Variants in TENM2 observed in about 807,000 individuals in gnomAD.
TENM2 encodes the protein teneurin transmembrane protein 2.
In TENM2, 52 loss-of-function variants were observed where a neutral mutation model predicts 245.2. The observed-to-expected ratio is 0.21, with a 90% CI of 0.17 to 0.27. TENM2 has a LOEUF of 0.27. Among genes scored for constraint, TENM2 ranks in the 10% least tolerant of loss-of-function variants. The pLI, the probability that TENM2 is intolerant of heterozygous loss-of-function variation, is 1.00. For missense variants in TENM2, 3,046 were observed against 3,666.8 expected (o/e 0.83, Z 4.37); for synonymous variants, 1,363 against 1,438.9 (o/e 0.95, Z 1.19).
In TENM2 at chr5:168,244,727, A is replaced by G; in HGVS notation, c.5817+11A>G. ...TCCTACCTTGACAAGGTAGGTGAAC[A>G]TGCTGCCCTGACAGCAAGGGCTTTC... On this transcript the variant is annotated intron_variant, in intron 26 of 28. Transcript: ENST00000518659. The surrounding 1 kb of genome is among the most constrained non-coding windows in gnomAD (Gnocchi z 4.9). 1 of 1,414,498 alleles carries G rather than the reference A, an allele frequency of 7.1e-7. No individual in the cohort carries two copies. Among genetic ancestry groups the G allele is most frequent in the Non-Finnish European group, 9.3e-7 (1 of 1,074,072 alleles). 87.6% of individuals were successfully genotyped at this position (1,414,498 alleles called of 1,614,324 possible).
At chr5:167,241,492 G>A in the TENM2 span, among the ~76,000 whole-genome samples, 2 of 152,154 alleles carry the variant, frequency 1.3e-5, no homozygotes, top group East Asian at 3.9e-4. Context: ...GAGGCAGAGA[G>A]GCAGACAGGC....
At chr5:167,434,412 C>CAAAAAAAAAAAAAAAAAAAAAAAAAAAAA (rs61683445) in intron 2 of TENM2, among the ~76,000 whole-genome samples, 1 of 74,480 alleles carries the variant, frequency 1.3e-5, no homozygotes, top group Non-Finnish European at 2.5e-5. Context: ...GACTCTATCT[C>CAAAAAAAAAAAAAAAAAAAAAAAAAAAAA]AAAAAAAAAA....
intron 2 of TENM2, among the ~76,000 whole-genome samples, chr5:167,394,484 G>C (rs1348249153): frequency 6.6e-6 from 1 of 152,004 alleles, no homozygotes; most frequent in African/African-American, 2.4e-5. Context: ...CTATGTGTCT[G>C]TTTTTATGCC....
At chr5:168,105,944 T>C (rs141258154) in intron 9 of TENM2, among the ~76,000 whole-genome samples, 1 of 152,348 alleles carries the variant, frequency 6.6e-6, no homozygotes, top group East Asian at 1.9e-4. Context: ...AGGTGCTTCC[T>C]CGGATTGTTT....
At chr5:167,795,685 T>C (rs2150919996) in intron 2 of TENM2, among the ~76,000 whole-genome samples, 1 of 150,784 alleles carries the variant, frequency 6.6e-6, no homozygotes, top group South Asian at 2.1e-4. Context: ...AGAAAGAATT[T>C]CCAAAAAAAA....
chr5:167,034,629 CAAAAAA>C, the TENM2 span, among the ~76,000 whole-genome samples: 827 of 72,236 alleles, frequency 0.011, 4 homozygotes, highest in African/African-American at 0.048. Flanking sequence ...GACTCCGTCT[CAAAAAA>C]AAAAAAAAAA....
rs1234276883 is a variant in TENM2 at position 168,226,084 on chromosome 5, C to T, written c.5109-4C>T. ...GGTTTATCTATCTATCTATCTCCCCCCAGCTATGACCACGAAGGCCGCCTG... is the reference window on the plus strand; with the variant it reads ...GGTTTATCTATCTATCTATCTCCCCTCAGCTATGACCACGAAGGCCGCCTG... On this transcript the variant is annotated splice_polypyrimidine_tract_variant and splice_region_variant and intron_variant, in intron 23 of 28. Coordinates refer to ENST00000518659, the Ensembl canonical transcript of TENM2. 1 of 1,612,246 alleles carries T rather than the reference C, an allele frequency of 6.2e-7. No individual in the cohort carries two copies.
At chr5:167,124,045 A>C in the TENM2 span, among the ~76,000 whole-genome samples, 1 of 152,358 alleles carries the variant, frequency 6.6e-6, no homozygotes, top group South Asian at 2.1e-4. Flanking sequence ...ACTGACCAGT[A>C]GTGTCTATAT....
At chr5:167,166,718 G>A in the TENM2 span, among the ~76,000 whole-genome samples, 1 of 151,814 alleles carries the variant, frequency 6.6e-6, no homozygotes, top group Non-Finnish European at 1.5e-5. Context: ...TTAATATCTG[G>A]CATCCATTAT....
chr5:167,396,988 A>T (rs540028537), intron 2 of TENM2, among the ~76,000 whole-genome samples: 1 of 152,258 alleles, frequency 6.6e-6, no homozygotes, highest in Admixed American at 6.5e-5. Flanking sequence ...AATATCCCCA[A>T]TCTATTTCTC....
At position 167,375,359 on chromosome 5, in the gene TENM2, A is replaced by G. The variant is rs1437783011; in HGVS notation, c.388A>G (p.Arg130Gly). Residue 130 changes from arginine (R) to glycine (G), a missense_variant, in exon 2 of 29, where the codon AGA becomes GGA. Physicochemically the swap from Arg to Gly is moderately radical, Grantham distance 125 (BLOSUM62 -2). Around this residue, in one of 2 missense-constraint regions of TENM2, gnomAD observed 342 missense variants for 335.0 expected, o/e 1.02. Transcript: ENST00000518659. ...AGGGATGTCTCCAGAACACGCCATC[A>G]GACTGTGGGGCAGAGGGATAAAATC... 2.4e-5 allele frequency: 38 copies of G among 1,551,584 alleles called. No homozygotes were observed. Among genetic ancestry groups the G allele is most frequent in the Non-Finnish European group, 3.1e-5 (35 of 1,147,004 alleles).
chr5:167,466,189 C>T (rs1319552835), intron 2 of TENM2, among the ~76,000 whole-genome samples: 1 of 152,124 alleles, frequency 6.6e-6, no homozygotes, highest in Admixed American at 6.5e-5. Context: ...TCTGAAAGGT[C>T]CTAAGGATAG....
rs569189593 is a variant in TENM2 at position 167,905,584 on chromosome 5, G to T, written c.712+29389G>T. ...GACCTTTTTAAATTTAGCACTCAAG[G>T]CACTAATATAAGAATATACCAGTGT... On this transcript the variant is annotated intron_variant, in intron 3 of 28. Coordinates refer to ENST00000518659, the Ensembl canonical transcript of TENM2. Among the ~76,000 whole-genome samples the T allele has an allele frequency of 3.3e-5, 5 of 152,288 alleles. No homozygotes were observed. In the South Asian group the frequency reaches 1.0e-3, roughly 32 times the overall value.
intron 2 of TENM2, among the ~76,000 whole-genome samples, chr5:167,668,525 C>A (rs180787119): frequency 3.3e-5 from 5 of 152,272 alleles, no homozygotes; most frequent in Admixed American, 2.0e-4. Flanking sequence ...GAAGCAGATT[C>A]CAGGGACATT....
At position 167,445,369 on chromosome 5, in the gene TENM2, A is replaced by AGAGAGAGAGAGAGAGTGAGAGAGT. The variant is rs35699708; in HGVS notation, c.502+69897_502+69898insAGAGAGAGAGAGAGTGAGAGAGTG. Among the ~76,000 whole-genome samples the AGAGAGAGAGAGAGAGTGAGAGAGT allele has an allele frequency of 7.1e-5, 7 of 98,606 alleles. No homozygotes were observed. The East Asian group carries it at 2.0e-3, about 29-fold the overall frequency. The allele number at this position is 98,606 out of a possible 152,430, so 64.7% of individuals were successfully genotyped here. On this transcript the variant is annotated intron_variant, in intron 2 of 28. Transcript: ENST00000518659. ...GAGAGAGAGAGAGAGAGAGAGAGAG[A>AGAGAGAGAGAGAGAGTGAGAGAGT]GTGTCAGGTGTTGTCTTGTTGTTGG...
At chr5:167,545,227 C>T (rs1669794443) in intron 2 of TENM2, among the ~76,000 whole-genome samples, 1 of 152,086 alleles carries the variant, frequency 6.6e-6, no homozygotes, top group South Asian at 2.1e-4. Context: ...CTTAGGTTGT[C>T]CTAAAGCTTA....
intron 25 of TENM2, among the ~76,000 whole-genome samples, chr5:168,229,308 C>T (rs1764606945): frequency 6.6e-6 from 1 of 151,648 alleles, no homozygotes; most frequent in African/African-American, 2.4e-5. Flanking sequence ...TGTCACATGC[C>T]TTCCTGCTTA....
At chr5:167,462,999 T>C (rs891813611) in intron 2 of TENM2, among the ~76,000 whole-genome samples, 4 of 152,128 alleles carry the variant, frequency 2.6e-5, no homozygotes, top group Non-Finnish European at 2.9e-5. Context: ...TAACAGTTAC[T>C]AGTTGTAACA....
At chr5:167,160,313 C>T in the TENM2 span, among the ~76,000 whole-genome samples, 5 of 152,212 alleles carry the variant, frequency 3.3e-5, no homozygotes, top group Non-Finnish European at 5.9e-5. Context: ...GTCCACAGGA[C>T]GGAGGTCTGG....
Sources: gnomAD v4.1 joint callset for allele counts (sites outside exome capture counted in the v4.1 genomes callset) on GRCh38, gnomAD v4.1.1 for gene constraint, gnomAD v4.1.1 regional missense constraint, Gnocchi (gnomAD v3.1) non-coding constraint, MANE v1.5 for transcripts, NCBI Gene and HGNC (gene_info 2026-07-23, HGNC 2026-07-21) for gene names.